The following LSAMP variants were observed in gnomAD, a reference collection of about 807,000 sequenced individuals.
LSAMP encodes the protein limbic system associated membrane protein.
LSAMP carries 7 observed loss-of-function variants against 38.6 expected under a neutral mutation model. The observed-to-expected ratio is 0.18, with a 90% CI of 0.10 to 0.34. LSAMP has a LOEUF of 0.34. Among genes scored for constraint, LSAMP ranks in the 10% least tolerant of loss-of-function variants. The pLI is 1.00. For missense variants in LSAMP, 313 were observed against 420.0 expected, an observed-to-expected ratio of 0.75 and a Z score of 2.23; for synonymous variants, 154 against 166.8, an observed-to-expected ratio of 0.92 and a Z score of 0.59.
At chr3:115,989,993 T>C (rs1576287740) in intron 3 of LSAMP, among the ~76,000 whole-genome samples, 1 of 152,064 alleles carries the variant, frequency 6.6e-6, no homozygotes, top group East Asian at 1.9e-4. Flanking sequence ...GATTGTTGCA[T>C]AGGATTGGAA....
intron 1 of LSAMP, among the ~76,000 whole-genome samples, chr3:116,348,475 G>A (rs2048092944): frequency 6.6e-6 from 1 of 152,116 alleles, no homozygotes; most frequent in Non-Finnish European, 1.5e-5. Flanking sequence ...CCTATGAGAA[G>A]GAAGGGGAAG....
At chr3:116,151,189 C>T (rs72959802) in intron 1 of LSAMP, among the ~76,000 whole-genome samples, 4,994 of 152,060 alleles carry the variant, frequency 0.033, 215 homozygotes, top group African/African-American at 0.099. Flanking sequence ...AAGAATCTTA[C>T]TTTAAATGAG....
intron 2 of LSAMP, among the ~76,000 whole-genome samples, chr3:116,024,523 C>A (rs1002946414): frequency 1.3e-4 from 20 of 152,246 alleles, no homozygotes; most frequent in Admixed American, 2.0e-4. Context: ...ACATAGGAAC[C>A]AAGAAGAACT....
chr3:115,825,866 G>A (rs1934390352), intron 6 of LSAMP, among the ~76,000 whole-genome samples: 1 of 152,102 alleles, frequency 6.6e-6, no homozygotes, highest in Non-Finnish European at 1.5e-5. Flanking sequence ...ATACATTGTT[G>A]TAAATTATAG....
intron 1 of LSAMP, among the ~76,000 whole-genome samples, chr3:116,269,304 ATC>A (rs970300098): frequency 6.6e-6 from 1 of 152,094 alleles, no homozygotes; most frequent in African/African-American, 2.4e-5. Flanking sequence ...GCTAATGGCA[ATC>A]TCTCTTATTA....
intron 1 of LSAMP, among the ~76,000 whole-genome samples, chr3:116,267,763 C>T (rs1419978564): frequency 2.0e-5 from 3 of 152,146 alleles, no homozygotes; most frequent in African/African-American, 7.2e-5. Flanking sequence ...TGACAGTATT[C>T]TCCCCAATAT....
At chr3:116,022,614 T>C (rs1270197743) in intron 2 of LSAMP, among the ~76,000 whole-genome samples, 3 of 152,212 alleles carry the variant, frequency 2.0e-5, no homozygotes, top group Non-Finnish European at 2.9e-5. Context: ...TTTCCTCTTA[T>C]CCTTGTAGTC....
chr3:116,221,022 G>A (rs1459180009), intron 1 of LSAMP, among the ~76,000 whole-genome samples: 2 of 151,752 alleles, frequency 1.3e-5, no homozygotes, highest in Admixed American at 6.6e-5. Context: ...GCGTGGTGGC[G>A]GGCGCCTGTA....
chr3:115,830,311 T>G (rs1479403793), intron 6 of LSAMP, among the ~76,000 whole-genome samples: 1 of 152,216 alleles, frequency 6.6e-6, no homozygotes, highest in Non-Finnish European at 1.5e-5. Context: ...GACGTTAAAG[T>G]AACTGAGTGT....
intron 1 of LSAMP, among the ~76,000 whole-genome samples, chr3:116,096,109 AAAAC>A (rs1708220996): frequency 6.6e-6 from 1 of 152,208 alleles, no homozygotes; most frequent in South Asian, 2.1e-4. Flanking sequence ...GGGTTTTAAA[AAAAC>A]ATATAGAGCA....
chr3:116,063,451 G>A (rs984597433), intron 2 of LSAMP, among the ~76,000 whole-genome samples: 4 of 152,150 alleles, frequency 2.6e-5, no homozygotes, highest in Admixed American at 2.6e-4. Flanking sequence ...AGGCTTATCA[G>A]TCCTACAGGA....
In LSAMP at chr3:115,878,565, G is replaced by A. The variant is rs1234073046; in HGVS notation, c.515-25948C>T. Among the ~76,000 whole-genome samples, 7 of 140,334 alleles carry A rather than the reference G, an allele frequency of 5.0e-5. No homozygotes were observed. The East Asian group carries it at 1.1e-3, about 22-fold the overall frequency. 92.1% of individuals were successfully genotyped at this position (140,334 alleles called of 152,430 possible). A position where few individuals can be genotyped will look rare whatever the true frequency, so the allele number is the denominator to read the frequency against. ...CAACCTCCGCTTCCTGGCTTCAAGCGATTCTCTTGTCTCAGCCTCCAGAGT... is the reference window on the plus strand; with the variant it reads ...CAACCTCCGCTTCCTGGCTTCAAGCAATTCTCTTGTCTCAGCCTCCAGAGT... On this transcript the variant is annotated intron_variant, in intron 3 of 6. Coordinates refer to ENST00000490035, the MANE Select transcript of LSAMP (RefSeq NM_002338.5).
chr3:116,371,608 T>C (rs901430095), intron 1 of LSAMP, among the ~76,000 whole-genome samples: 1 of 152,090 alleles, frequency 6.6e-6, no homozygotes, highest in African/African-American at 2.4e-5. Flanking sequence ...TGAAAACTTT[T>C]CCTCTCAGAT....
chr3:116,183,494 G>A (rs769647190), intron 1 of LSAMP, among the ~76,000 whole-genome samples: 1 of 151,822 alleles, frequency 6.6e-6, no homozygotes, highest in Non-Finnish European at 1.5e-5. Context: ...GGCCCTTGAA[G>A]TAGATAGAAA....
intron 1 of LSAMP, among the ~76,000 whole-genome samples, chr3:116,346,796 T>A (rs544833857): frequency 5.6e-4 from 85 of 152,328 alleles, no homozygotes; most frequent in African/African-American, 2.0e-3. Flanking sequence ...AAGTACTTCC[T>A]ATGTGTCAGT....
intron 3 of LSAMP, among the ~76,000 whole-genome samples, chr3:115,860,317 C>G (rs1329377583): frequency 6.6e-6 from 1 of 152,216 alleles, no homozygotes; most frequent in Admixed American, 6.5e-5. Flanking sequence ...AAGACATGAG[C>G]TTTGACCCAG....
chr3:115,842,397 G>A, intron 5 of LSAMP, 61 bp downstream of exon 5: 3 of 1,571,302 alleles, frequency 1.9e-6, no homozygotes, highest in Non-Finnish European at 2.6e-6. Context: ...TTGTTGTGGG[G>A]ATTCTGGTGT....
chr3:116,138,523 G>A (rs1335195627), intron 1 of LSAMP, among the ~76,000 whole-genome samples: 2 of 151,916 alleles, frequency 1.3e-5, no homozygotes, highest in East Asian at 1.9e-4. Flanking sequence ...TCAGCAATGC[G>A]GACAGTGTCT....
intron 3 of LSAMP, among the ~76,000 whole-genome samples, chr3:115,903,522 G>T (rs1214796554): frequency 6.6e-6 from 1 of 152,160 alleles, no homozygotes; most frequent in African/African-American, 2.4e-5. Flanking sequence ...TCAACAAAGT[G>T]GTTGGCTTGA....
Sources: gnomAD v4.1 joint callset for allele counts (sites outside exome capture counted in the v4.1 genomes callset) on GRCh38, gnomAD v4.1.1 for gene constraint, MANE v1.5 for transcripts, NCBI Gene and HGNC (gene_info 2026-07-23, HGNC 2026-07-21) for gene names.